The following COL4A4 variants were observed in gnomAD, a reference collection of about 807,000 sequenced individuals.
COL4A4 encodes the protein collagen alpha-4(IV) chain.
A neutral mutation model predicts 192.9 loss-of-function variants in COL4A4; 105 were observed. The observed-to-expected ratio is 0.54, with a 90% CI of 0.46 to 0.64. The LOEUF is 0.64. Among genes scored for constraint, COL4A4 ranks in the 30% least tolerant of loss-of-function variants. The pLI, the probability that COL4A4 is intolerant of heterozygous loss-of-function variation, is 0.00. For synonymous variants in COL4A4, 762 were observed against 769.9 expected (o/e 0.99, Z 0.17); for missense variants, 1,967 against 2,169.3 (o/e 0.91, Z 1.85).
At chr2:227,037,252 C>T (rs1158375324) in intron 37 of COL4A4, among the ~76,000 whole-genome samples, 1 of 152,186 alleles carries the variant, frequency 6.6e-6, no homozygotes, top group Admixed American at 6.5e-5. Context: ...CACCCACTGA[C>T]AGGCCCCAGT....
Position 227,012,120 on chromosome 2 carries a change from A to AT in COL4A4, c.4333+60dup, listed in dbSNP as rs1963864378. 8 of 1,364,294 alleles carry AT rather than the reference A, an allele frequency of 5.9e-6. No individual in the cohort carries two copies. In the South Asian group the frequency reaches 8.1e-5, roughly 14 times the overall value. 84.5% of individuals were successfully genotyped at this position (1,364,294 alleles called of 1,614,324 possible). ...TGGAAAGCCACTTGAGAGATCAGAG[A>AT]TTTTGTATACAACTCTAAGGTTTAC... On this transcript the variant is annotated intron_variant, in intron 45 of 47. Transcript: ENST00000396625.
intron 41 of COL4A4, among the ~76,000 whole-genome samples, chr2:227,030,080 A>G (rs1395307781): frequency 6.6e-6 from 1 of 151,026 alleles, no homozygotes; most frequent in Admixed American, 6.6e-5. Context: ...ATGTTAAAAT[A>G]AAAATATTTA....
In COL4A4 at chr2:227,164,178, C is replaced by G. The variant is rs111349542; in HGVS notation, c.-273G>C. The G allele has an allele frequency of 6.5e-6, 1 of 152,750 alleles. No individual in the cohort carries two copies. The highest frequency in any genetic ancestry group is 2.4e-5 in the African/African-American group (1 of 41,468). The allele number at this position is 152,750 out of a possible 1,614,324, so 9.5% of individuals were successfully genotyped here. ...GGCGGGGAACGCGGACCGCCGCGGG[C>G]GCGGGGAACAAGCGGGGCCTCCCGA... On this transcript the variant is annotated 5_prime_UTR_variant, in exon 1 of 48. Coordinates refer to ENST00000396625, the MANE Select transcript of COL4A4 (RefSeq NM_000092.5). This position sits in a 1 kb window ranked among gnomAD's most constrained non-coding sequence, Gnocchi z 4.8.
At position 227,133,039 on chromosome 2, in the gene COL4A4, T is replaced by G. The variant is rs150979263; in HGVS notation, c.192+7122A>C. The stretch of plus-strand genomic sequence containing the variant: ...CCCCAAACTGTGCCCTGCTTTTGAG[T>G]GCACCTGTATCGCTAGCCCTTATTT... On this transcript the variant is annotated intron_variant, in intron 4 of 47. Transcript: ENST00000396625. Among the ~76,000 whole-genome samples, 9 of 152,334 alleles carry G rather than the reference T, an allele frequency of 5.9e-5. No homozygotes were observed. The East Asian group carries it at 1.7e-3, about 29-fold the overall frequency.
intron 1 of COL4A4, among the ~76,000 whole-genome samples, chr2:227,149,125 A>G (rs551309736): frequency 6.6e-6 from 1 of 152,190 alleles, no homozygotes; most frequent in South Asian, 2.1e-4. Context: ...CTGAGATTAC[A>G]GGCGTGAGCC....
chr2:227,095,834 G>C (rs1317860306), intron 19 of COL4A4, among the ~76,000 whole-genome samples: 1 of 152,208 alleles, frequency 6.6e-6, no homozygotes, highest in African/African-American at 2.4e-5. Context: ...GGCGGAGGTT[G>C]CAGTGAGCCA....
chr2:227,140,718 C>T (rs971603517), intron 3 of COL4A4, among the ~76,000 whole-genome samples: 1 of 151,964 alleles, frequency 6.6e-6, no homozygotes, highest in African/African-American at 2.4e-5. Context: ...TTCTTCTGTC[C>T]CATCCTTGGG....
chr2:227,145,600 C>G (rs1045262960), intron 2 of COL4A4, among the ~76,000 whole-genome samples: 7 of 152,192 alleles, frequency 4.6e-5, no homozygotes, highest in Non-Finnish European at 1.5e-5. Flanking sequence ...GGTAGGAGAA[C>G]TGGGGCTCAG....
At chr2:226,975,333 G>T in the COL4A4 span, among the ~76,000 whole-genome samples, 1 of 152,132 alleles carries the variant, frequency 6.6e-6, no homozygotes, top group East Asian at 1.9e-4. Context: ...TCATCACGTT[G>T]TACACCTTAA....
At chr2:227,101,999 TC>T in intron 15 of COL4A4, 90 bp from the exon 16 acceptor site, 1 of 914,658 alleles carries the variant, frequency 1.1e-6, no homozygotes, top group South Asian at 1.6e-5. Context: ...ATCAAATTGT[TC>T]CATGGATATT....
rs908532580 is a variant in COL4A4 at position 227,047,479 on chromosome 2, A to G, written c.3285T>C (p.Cys1095=). Residue 1095 remains cysteine, a synonymous_variant, in exon 35 of 48, where the codon TGT becomes TGC. Transcript: ENST00000396625. ...GPKGEPGSPG[C]PGHFGASGEQ... ...AAGAAAAATATGCAGCTATACCTGG[A>G]CATCCAGGGCTACCTGGCTCACCCT... 6.2e-7 allele frequency: 1 copy of G among 1,612,852 alleles called. No individual in the cohort carries two copies. Among genetic ancestry groups the G allele is most frequent in the South Asian group, 1.1e-5 (1 of 91,050 alleles).
rs180890440 is a variant in COL4A4 at position 227,046,937 on chromosome 2, T to A, written c.3289+538A>T. 2.3e-4 allele frequency among the ~76,000 whole-genome samples: 35 copies of A among 152,204 alleles called. 1 individual carries two copies. The highest frequency in any genetic ancestry group is 7.7e-4 in the East Asian group (4 of 5,192). Reference sequence around the variant, plus strand: ...AATACTGTTTAAAATGACTTAGATTTCTTGTTGGTGATGAGGTTTATGTTT... The same window carrying A: ...AATACTGTTTAAAATGACTTAGATTACTTGTTGGTGATGAGGTTTATGTTT... On this transcript the variant is annotated intron_variant, in intron 35 of 47. Coordinates refer to ENST00000396625, the MANE Select transcript of COL4A4 (RefSeq NM_000092.5).
chr2:227,039,431 A>T (rs1298471679), intron 37 of COL4A4, among the ~76,000 whole-genome samples: 1 of 152,200 alleles, frequency 6.6e-6, no homozygotes, highest in Non-Finnish European at 1.5e-5. Context: ...TCAGCCTCCC[A>T]CAGTGCTGTG....
At chr2:227,022,213 C>T in intron 43 of COL4A4, 40 bp from the exon 44 acceptor site, 1 of 1,613,588 alleles carries the variant, frequency 6.2e-7, no homozygotes, top group Non-Finnish European at 8.5e-7. Flanking sequence ...GATGCACGTG[C>T]TTATGAACAA....
intron 7 of COL4A4, among the ~76,000 whole-genome samples, chr2:227,117,571 T>C (rs908852712): frequency 1.3e-5 from 2 of 152,094 alleles, no homozygotes; most frequent in African/African-American, 4.8e-5. Flanking sequence ...AATGAATGAT[T>C]ATGGTGGTCA....
intron 5 of COL4A4, chr2:227,120,703 C>T (rs759106890): frequency 6.4e-6 from 2 of 313,936 alleles, no homozygotes; most frequent in Non-Finnish European, 6.1e-6. Context: ...TTTGGGAGGC[C>T]GAGGCAGGCA....
intron 20 of COL4A4, 61 bp from the exon 21 acceptor site, chr2:227,090,018 T>C (rs1576429540): frequency 7.3e-7 from 1 of 1,378,584 alleles, no homozygotes; most frequent in Admixed American, 1.7e-5. Flanking sequence ...CTGTCTTCTA[T>C]AGAATAAGTG....
intron 25 of COL4A4, among the ~76,000 whole-genome samples, chr2:227,074,435 C>T (rs560607273): frequency 6.6e-6 from 1 of 152,184 alleles, no homozygotes; most frequent in Admixed American, 6.5e-5. Flanking sequence ...AAAGGGAACA[C>T]TTATACAATG....
chr2:227,139,197 C>T (rs1455209931), intron 4 of COL4A4, among the ~76,000 whole-genome samples: 1 of 152,156 alleles, frequency 6.6e-6, no homozygotes, highest in Non-Finnish European at 1.5e-5. Flanking sequence ...TCTGCCAGCA[C>T]CTTGTTCTTG....
Sources: allele counts gnomAD v4.1 joint callset (sites outside exome capture counted in the v4.1 genomes callset), GRCh38; gene constraint gnomAD v4.1.1; non-coding constraint Gnocchi (gnomAD v3.1); transcripts MANE v1.5; gene names NCBI Gene and HGNC (gene_info 2026-07-23, HGNC 2026-07-21).